Variants in ABCA1 observed in about 807,000 individuals in gnomAD.
ABCA1 encodes phospholipid-transporting ATPase ABCA1.
In ABCA1, 133 loss-of-function variants were observed where a neutral mutation model predicts 262.5. The ratio of observed to expected loss-of-function variants is 0.51; its 90% confidence interval spans 0.44 to 0.59. ABCA1 has a LOEUF of 0.59. ABCA1 is among the 20% of genes least tolerant of loss of function. The pLI is 0.00. For missense variants in ABCA1, 2,452 were observed against 2,777.5 expected (o/e 0.88, Z 2.63); for synonymous variants, 1,022 against 1,043.5 (o/e 0.98, Z 0.40).
At chr9:104,882,028 TAAAAAA>T (rs557626075) in intron 5 of ABCA1, among the ~76,000 whole-genome samples, 798 of 73,738 alleles carry the variant, frequency 0.011, 24 homozygotes, top group East Asian at 0.08. Flanking sequence ...TCTGTAGCCT[TAAAAAA>T]AAAAAAAAAA....
At chr9:104,836,270 A>C (rs2119020770) in intron 11 of ABCA1, among the ~76,000 whole-genome samples, 1 of 152,354 alleles carries the variant, frequency 6.6e-6, no homozygotes, top group South Asian at 2.1e-4. Flanking sequence ...CAAAACAAGA[A>C]ACCTGGCAAA....
rs1340352 is a variant in ABCA1 at position 104,853,558 on chromosome 9, C to T, written c.720+4964G>A. ...AATGAAAGCTCCAAGTGCATCACAA[C>T]TGCCTTGTTGGTGGTCGAACTTCAG... On this transcript the variant is annotated intron_variant, in intron 7 of 49. Coordinates refer to ENST00000374736, the MANE Select transcript of ABCA1 (RefSeq NM_005502.4). 6.5e-3 allele frequency among the ~76,000 whole-genome samples: 983 copies of T among 152,332 alleles called. 10 individuals carry two copies. The highest frequency in any genetic ancestry group is 0.023 in the African/African-American group (944 of 41,566).
intron 49 of ABCA1, 116 bp from the exon 50 acceptor site, chr9:104,784,571 T>G: frequency 8.3e-7 from 1 of 1,210,506 alleles, no homozygotes; most frequent in Non-Finnish European, 1.2e-6. Context: ...CAGAATTACA[T>G]AAATGGATTA....
intron 16 of ABCA1, 52 bp downstream of exon 16, chr9:104,826,896 C>A: frequency 1.3e-6 from 2 of 1,543,400 alleles, no homozygotes; most frequent in South Asian, 1.1e-5. Flanking sequence ...TCAGGGACTC[C>A]AAAGGAAGGT....
chr9:104,866,787 G>A (rs550233557), intron 5 of ABCA1, among the ~76,000 whole-genome samples: 5 of 152,210 alleles, frequency 3.3e-5, no homozygotes, highest in East Asian at 3.9e-4. Flanking sequence ...CGCGCCCGGC[G>A]TTTTGTGACT....
intron 5 of ABCA1, among the ~76,000 whole-genome samples, chr9:104,868,340 G>A (rs914981495): frequency 3.9e-5 from 6 of 152,006 alleles, no homozygotes; most frequent in African/African-American, 1.2e-4. Flanking sequence ...CAACAAGAGC[G>A]ACACTCTGTC....
chr9:104,820,130 C>T, intron 20 of ABCA1, 61 bp from the exon 21 acceptor site: 2 of 1,607,346 alleles, frequency 1.2e-6, no homozygotes, highest in Non-Finnish European at 1.7e-6. Flanking sequence ...TACAGTGTCC[C>T]CTGGCCCAGA....
chr9:104,867,728 T>C (rs181404683), intron 5 of ABCA1, among the ~76,000 whole-genome samples: 1 of 152,314 alleles, frequency 6.6e-6, no homozygotes, highest in East Asian at 1.9e-4. Flanking sequence ...CCAGGAATGA[T>C]CATATCCACC....
At chr9:104,821,010 C>G (rs896706803) in intron 20 of ABCA1, among the ~76,000 whole-genome samples, 1 of 152,120 alleles carries the variant, frequency 6.6e-6, no homozygotes, top group Non-Finnish European at 1.5e-5. Context: ...TTTGGGAGAC[C>G]GAGGTGGGCG....
chr9:104,789,240 C>A (rs910500930), intron 44 of ABCA1, among the ~76,000 whole-genome samples: 1 of 152,180 alleles, frequency 6.6e-6, no homozygotes, highest in African/African-American at 2.4e-5. Flanking sequence ...CGTGCCAGGC[C>A]CTCACAGCTA....
chr9:104,898,245 G>A (rs1840375887), intron 2 of ABCA1, among the ~76,000 whole-genome samples: 1 of 152,036 alleles, frequency 6.6e-6, no homozygotes, highest in South Asian at 2.1e-4. Context: ...GAATCCTCTT[G>A]CACATAAAAT....
chr9:104,784,130 C>G lies in ABCA1; in HGVS notation c.*185G>C, dbSNP rs1320232691. ...ATACAAGACATAGGCTACAAAGGCA[C>G]TGCCCCTGTAATGGAATTTTGTTTT... On this transcript the variant is annotated 3_prime_UTR_variant, in exon 50 of 50. Coordinates refer to ENST00000374736, the MANE Select transcript of ABCA1 (RefSeq NM_005502.4). The G allele has an allele frequency of 1.4e-6, 1 of 694,224 alleles. No individual in the cohort carries two copies. Among genetic ancestry groups the G allele is most frequent in the East Asian group, 2.7e-5 (1 of 36,372 alleles). The allele number at this position is 694,224 out of a possible 1,614,324, so 43.0% of individuals were successfully genotyped here. A position where few individuals can be genotyped will look rare whatever the true frequency, so the allele number is the denominator to read the frequency against.
At chr9:104,838,566 G>A (rs964184370) in intron 9 of ABCA1, among the ~76,000 whole-genome samples, 19 of 150,232 alleles carry the variant, frequency 1.3e-4, no homozygotes, top group African/African-American at 4.4e-4. Context: ...GCAGTGAGCC[G>A]AGATGGCGCC....
chr9:104,831,149 T>TA lies in ABCA1; in HGVS notation c.1716-49dup, dbSNP rs34121951. The stretch of plus-strand genomic sequence containing the variant: ...CAACCATTCCTTTAGAACCATACAA[T>TA]AAAAAAAAAAAAAAAAAAAAATTGC... On this transcript the variant is annotated intron_variant, in intron 13 of 49. Transcript: ENST00000374736. 0.091 allele frequency: 82,752 copies of TA among 912,092 alleles called. 798 individuals are homozygous for TA. The highest frequency in any genetic ancestry group is 0.2 in the African/African-American group (9,495 of 47,744). The allele number at this position is 912,092 out of a possible 1,614,324, so 56.5% of individuals were successfully genotyped here.
rs1831873106 is a variant in ABCA1, at chr9:104,817,448, A to C, written c.3463-44T>G. The stretch of plus-strand genomic sequence containing the variant: ...GTGAGAACGGGTCAGGGACGGAGCA[A>C]GGCAGAGCCACCAGCACCTTCGCCG... On this transcript the variant is annotated intron_variant, in intron 23 of 49. Transcript: ENST00000374736. This position sits in a 1 kb window ranked among gnomAD's most constrained non-coding sequence, Gnocchi z 4.7. 5 of 1,607,222 alleles carry C rather than the reference A, an allele frequency of 3.1e-6. No homozygotes were observed. Among genetic ancestry groups the C allele is most frequent in the Non-Finnish European group, 3.4e-6 (4 of 1,173,984 alleles).
chr9:104,793,452 G>C (rs1315855003), intron 40 of ABCA1, 152 bp from the exon 41 acceptor site: 1 of 1,166,844 alleles, frequency 8.6e-7, no homozygotes, highest in Non-Finnish European at 1.2e-6. Flanking sequence ...AGTAACAAGA[G>C]AGTGATCACT....
rs371108338 is a variant in ABCA1, at chr9:104,864,583, G to A, written c.422-2783C>T. Among the ~76,000 whole-genome samples the A allele has an allele frequency of 1.1e-4, 16 of 151,992 alleles. No homozygotes were observed. In the South Asian group the frequency reaches 3.3e-3, roughly 32 times the overall value. On this transcript the variant is annotated intron_variant, in intron 5 of 49. Coordinates refer to ENST00000374736, the MANE Select transcript of ABCA1 (RefSeq NM_005502.4). ...CACTGCCTTATCTATAAAATGAAGG[G>A]TCAAAAAAGGCCTCTGTGAAACCTC...
At chr9:104,903,462 C>T in intron 2 of ABCA1, 152 bp downstream of exon 2, 2 of 835,532 alleles carry the variant, frequency 2.4e-6, no homozygotes, top group Non-Finnish European at 4.0e-6. Flanking sequence ...ATATCCGGAC[C>T]ACACAGTCCT....
intron 5 of ABCA1, among the ~76,000 whole-genome samples, chr9:104,865,072 A>AT (rs1836965657): frequency 6.6e-6 from 1 of 152,210 alleles, no homozygotes; most frequent in Admixed American, 6.5e-5. Context: ...GATCACGTGG[A>AT]TATCCACCCA....
Sources: allele counts gnomAD v4.1 joint callset (sites outside exome capture counted in the v4.1 genomes callset), GRCh38; gene constraint gnomAD v4.1.1; non-coding constraint Gnocchi (gnomAD v3.1); transcripts MANE v1.5; gene names NCBI Gene and HGNC (gene_info 2026-07-23, HGNC 2026-07-21).